Variants in ATG4A observed in about 807,000 individuals in gnomAD.
ATG4A encodes autophagy related 4A cysteine peptidase, also known as cysteine protease ATG4A.
A neutral mutation model predicts 38.4 loss-of-function variants in ATG4A; 22 were observed. The observed-to-expected ratio is 0.57, with a 90% CI of 0.41 to 0.82. The LOEUF is 0.82. Among genes scored for constraint, ATG4A ranks in the 40% least tolerant of loss-of-function variants. The pLI, the probability that ATG4A is intolerant of heterozygous loss-of-function variation, is 0.00. For missense variants in ATG4A, 220 were observed against 290.0 expected (o/e 0.76, Z 1.75); for synonymous variants, 86 against 100.7 (o/e 0.85, Z 0.88).
chrX:108,113,796 G>C (rs186366661), intron 1 of ATG4A, among the ~76,000 whole-genome samples: 1 of 111,322 alleles, frequency 9.0e-6, no homozygotes, highest in Non-Finnish European at 1.9e-5. Flanking sequence ...AGAATAGCAC[G>C]GGAAAGACTG....
intron 6 of ATG4A, among the ~76,000 whole-genome samples, 165 bp from the exon 7 acceptor site, chrX:108,136,926 T>C (rs1442245602): frequency 8.9e-6 from 1 of 111,903 alleles, no homozygotes. Context: ...TCTCTAGACA[T>C]GGAGCATCCC....
chrX:108,116,356 G>T (rs1384357431), intron 1 of ATG4A, among the ~76,000 whole-genome samples: 3 of 111,415 alleles, frequency 2.7e-5, no homozygotes, highest in Non-Finnish European at 5.7e-5. Context: ...AATTCCTGTG[G>T]TATGGGAAGA....
At chrX:108,152,718 T>C (rs938673195) in intron 11 of ATG4A, among the ~76,000 whole-genome samples, 5 of 111,919 alleles carry the variant, frequency 4.5e-5, no homozygotes, top group Admixed American at 1.9e-4. Flanking sequence ...ACAGGCACTA[T>C]GCCTCATGAT....
intron 6 of ATG4A, 115 bp downstream of exon 6, chrX:108,134,526 C>A: frequency 1.6e-6 from 1 of 612,787 alleles, no homozygotes; most frequent in Non-Finnish European, 2.5e-6. Flanking sequence ...AGCTACTCCT[C>A]CCACTAAACC....
intron 1 of ATG4A, among the ~76,000 whole-genome samples, chrX:108,108,701 A>G (rs2032262820): frequency 9.0e-6 from 1 of 111,401 alleles, no homozygotes; most frequent in Non-Finnish European, 1.9e-5. Context: ...TGTGAAACAG[A>G]TCTCTAGAAC....
chrX:108,137,010 AAC>A (rs2033122397), intron 6 of ATG4A, 79 bp from the exon 7 acceptor site: 1 of 853,890 alleles, frequency 1.2e-6, no homozygotes, highest in Admixed American at 2.4e-5. Flanking sequence ...TGACTTTAGG[AAC>A]ACTGGGCATA....
At chrX:108,089,073 TACG>T (rs930685365), upstream of ATG4A, among the ~76,000 whole-genome samples, 3 of 112,492 alleles carry the variant, frequency 2.7e-5, no homozygotes, top group Non-Finnish European at 5.6e-5. Flanking sequence ...CTGGGCAGAA[TACG>T]ACAAGGAAAG....
chrX:108,127,787 A>G (rs1487347055), intron 2 of ATG4A, among the ~76,000 whole-genome samples: 1 of 112,319 alleles, frequency 8.9e-6, no homozygotes, highest in Non-Finnish European at 1.9e-5. Flanking sequence ...TATACAGAAT[A>G]TAATACAGAC....
At chrX:108,153,197 A>T (rs2033630719) in intron 12 of ATG4A, 110 bp downstream of exon 12, 4 of 511,966 alleles carry the variant, frequency 7.8e-6, no homozygotes, top group Non-Finnish European at 1.3e-5. Context: ...ATTTCTACTC[A>T]GCTGGAGTGA....
intron 9 of ATG4A, among the ~76,000 whole-genome samples, chrX:108,140,943 T>C (rs950162250): frequency 1.2e-4 from 11 of 93,689 alleles, no homozygotes; most frequent in Non-Finnish European, 2.0e-4. Flanking sequence ...TATACATATA[T>C]ATACACATAT....
intron 1 of ATG4A, among the ~76,000 whole-genome samples, chrX:108,096,002 A>G (rs1329730020): frequency 8.9e-6 from 1 of 112,350 alleles, no homozygotes; most frequent in African/African-American, 3.2e-5. Context: ...GAGCCACCAC[A>G]TCCAGCCAAA....
At chrX:108,152,341 C>T (rs945553651) in intron 11 of ATG4A, among the ~76,000 whole-genome samples, 2 of 111,032 alleles carry the variant, frequency 1.8e-5, no homozygotes, top group Non-Finnish European at 3.8e-5. Context: ...TCAAGCGATT[C>T]TCCTCCCTCA....
intron 4 of ATG4A, 30 bp from the exon 5 acceptor site, chrX:108,134,027 G>T (rs779653587): frequency 9.1e-7 from 1 of 1,094,693 alleles, no homozygotes; most frequent in African/African-American, 1.9e-5. Flanking sequence ...TTATAAAAAT[G>T]TTTCTAACCC....
chrX:108,126,653 T>C, intron 2 of ATG4A: 2 of 683,944 alleles, frequency 2.9e-6, no homozygotes, highest in Non-Finnish European at 3.9e-6. Context: ...ATATCAGACC[T>C]AAGTTTTTCT....
At chrX:108,128,042 T>C (rs901297372) in intron 2 of ATG4A, among the ~76,000 whole-genome samples, 1 of 112,619 alleles carries the variant, frequency 8.9e-6, no homozygotes, top group African/African-American at 3.2e-5. Flanking sequence ...CATTTCCTTT[T>C]TATTTAAACA....
intron 1 of ATG4A, 146 bp from the exon 2 acceptor site, chrX:108,125,931 G>A (rs762771009): frequency 2.5e-6 from 1 of 407,833 alleles, no homozygotes; most frequent in East Asian, 4.3e-5. Flanking sequence ...GGTCTTGTGA[G>A]TGTGTTTGTT....
At chrX:108,114,803 A>G (rs998000694) in intron 1 of ATG4A, among the ~76,000 whole-genome samples, 10 of 111,599 alleles carry the variant, frequency 9.0e-5, no homozygotes, top group African/African-American at 3.3e-4. Flanking sequence ...TCATTTTGCT[A>G]TTTACAGTGA....
intron 1 of ATG4A, among the ~76,000 whole-genome samples, chrX:108,099,831 G>A (rs1414376360): frequency 2.7e-5 from 3 of 111,568 alleles, no homozygotes; most frequent in Non-Finnish European, 3.8e-5. Flanking sequence ...ATTGATCTAC[G>A]TATGTGTCCC....
intron 1 of ATG4A, 147 bp downstream of exon 1, chrX:108,091,983 C>G: frequency 1.0e-6 from 1 of 976,580 alleles, no homozygotes; most frequent in Non-Finnish European, 1.4e-6. Flanking sequence ...GGGTTCCTGA[C>G]CTGCAGTGGC....
Sources: gnomAD v4.1 joint callset for allele counts (sites outside exome capture counted in the v4.1 genomes callset) on GRCh38, gnomAD v4.1.1 for gene constraint, MANE v1.5 for transcripts, NCBI Gene and HGNC (gene_info 2026-07-23, HGNC 2026-07-21) for gene names.